SAMD3: variants seen among roughly 807,000 people sequenced by gnomAD.
SAMD3 encodes sterile alpha motif domain containing 3, also known as sterile alpha motif domain-containing protein 3.
SAMD3 carries 63 observed loss-of-function variants against 58.5 expected under a neutral mutation model. That is an observed-to-expected ratio of 1.08 (90% CI 0.88 to 1.33). The LOEUF (loss-of-function observed/expected upper bound fraction) is 1.33, where lower values mean the gene tolerates loss of function less well. Ranked by LOEUF, SAMD3 falls within the 40% of genes most tolerant of loss-of-function variation. The pLI, the probability that SAMD3 is intolerant of heterozygous loss-of-function variation, is 0.00. For synonymous variants in SAMD3, 220 were observed against 210.3 expected (o/e 1.05, Z -0.40); for missense variants, 604 against 608.4 (o/e 0.99, Z 0.08).
intron 9 of SAMD3, 89 bp downstream of exon 9, chr6:130,154,736 T>A: frequency 9.1e-6 from 2 of 220,680 alleles, no homozygotes; most frequent in Non-Finnish European, 8.1e-6. Context: ...TATATATATA[T>A]ATATATGTAT....
chr6:130,288,641 G>T (rs960949039), intron 2 of SAMD3, among the ~76,000 whole-genome samples: 1 of 152,210 alleles, frequency 6.6e-6, no homozygotes, highest in Non-Finnish European at 1.5e-5. Context: ...AATGTGGATG[G>T]AAACTAATGT....
intron 2 of SAMD3, among the ~76,000 whole-genome samples, chr6:130,311,523 A>C (rs1207103026): frequency 6.6e-6 from 1 of 152,180 alleles, no homozygotes; most frequent in African/African-American, 2.4e-5. Context: ...AAACTGACTG[A>C]GACTAAGAGT....
intron 1 of SAMD3, among the ~76,000 whole-genome samples, chr6:130,217,295 A>G (rs1378766991): frequency 2.0e-5 from 3 of 152,216 alleles, no homozygotes; most frequent in Non-Finnish European, 4.4e-5. Flanking sequence ...GGCATAAACT[A>G]TATATCAAAT....
At chr6:130,225,010 A>G (rs558595950), upstream of SAMD3, among the ~76,000 whole-genome samples, 3 of 152,158 alleles carry the variant, frequency 2.0e-5, no homozygotes, top group East Asian at 5.8e-4. Context: ...GTGTGTCTGA[A>G]TTTGTGTGTA....
At chr6:130,323,735 G>A (rs1404408057) in intron 1 of SAMD3, among the ~76,000 whole-genome samples, 1 of 144,812 alleles carries the variant, frequency 6.9e-6, no homozygotes, top group Non-Finnish European at 1.5e-5. Flanking sequence ...CCCGGGAGGC[G>A]GAGGTTGCAG....
intron 2 of SAMD3, among the ~76,000 whole-genome samples, chr6:130,228,492 G>A (rs1796448072): frequency 1.3e-5 from 2 of 152,058 alleles, no homozygotes; most frequent in Admixed American, 6.6e-5. Flanking sequence ...TAATCTCCAG[G>A]GGAGCTTAAA....
At chr6:130,147,846 C>T (rs1051063531) in intron 9 of SAMD3, among the ~76,000 whole-genome samples, 5 of 152,136 alleles carry the variant, frequency 3.3e-5, no homozygotes, top group African/African-American at 1.2e-4. Context: ...AAAGTGGAGG[C>T]CAGTTACTTT....
chr6:130,170,968 C>T (rs1791195422), intron 8 of SAMD3, among the ~76,000 whole-genome samples: 1 of 152,224 alleles, frequency 6.6e-6, no homozygotes, highest in Admixed American at 6.5e-5. Context: ...GCCAGAACTT[C>T]CAATACTATC....
intron 2 of SAMD3, among the ~76,000 whole-genome samples, chr6:130,300,300 A>C (rs1223203249): frequency 6.6e-6 from 1 of 152,208 alleles, no homozygotes; most frequent in African/African-American, 2.4e-5. Context: ...AGGATGTTTC[A>C]ACATATGCAA....
chr6:130,218,314 T>G (rs563924543), intron 1 of SAMD3, among the ~76,000 whole-genome samples: 1 of 152,276 alleles, frequency 6.6e-6, no homozygotes, highest in South Asian at 2.1e-4. Context: ...CTGCAAACCG[T>G]GTGAACTTCC....
intron 2 of SAMD3, among the ~76,000 whole-genome samples, chr6:130,293,387 C>T (rs544407295): frequency 4.6e-4 from 70 of 152,280 alleles, no homozygotes; most frequent in African/African-American, 1.7e-3. Context: ...TGTATCACAA[C>T]ATTCTGGTCC....
chr6:130,240,105 G>A (rs183368456), intron 2 of SAMD3, among the ~76,000 whole-genome samples: 152 of 152,326 alleles, frequency 1.0e-3, no homozygotes, highest in African/African-American at 3.2e-3. Flanking sequence ...TCAGCACAGC[G>A]CCTGGTATTA....
At chr6:130,325,167 C>A (rs752849302) in intron 1 of SAMD3, among the ~76,000 whole-genome samples, 3 of 152,060 alleles carry the variant, frequency 2.0e-5, no homozygotes, top group Admixed American at 1.3e-4. Context: ...AGTCAGGGTT[C>A]TCCAGAGAAA....
In SAMD3 at chr6:130,184,553, A is replaced by T; in HGVS notation, c.454T>A (p.Phe152Ile). ...AACATGCATTTGACATCATAGGGAA[A>T]CTCTGGTAAAACATAGGACTTCGTC... ...QWTKSYVLPE[F>I]PYDVKCMLAE... is the part of the protein sequence containing the mutation. Residue 152 changes from phenylalanine (F) to isoleucine (I), a missense_variant, in exon 6 of 12, where the codon TTT (phenylalanine) becomes ATT (isoleucine). Transcript: ENST00000439090. The T allele has an allele frequency of 1.2e-6, 2 of 1,613,906 alleles. No homozygotes were observed. The highest frequency in any genetic ancestry group is 1.7e-6 in the Non-Finnish European group (2 of 1,179,920).
intron 9 of SAMD3, among the ~76,000 whole-genome samples, chr6:130,153,717 C>G (rs1162752262): frequency 1.4e-5 from 2 of 145,564 alleles, no homozygotes; most frequent in African/African-American, 5.0e-5. Flanking sequence ...ACTGTGTCAC[C>G]AAGCTGCAGT....
chr6:130,205,149 C>T (rs1794972249), intron 5 of SAMD3, among the ~76,000 whole-genome samples: 1 of 83,590 alleles, frequency 1.2e-5, no homozygotes, highest in African/African-American at 5.4e-5. Flanking sequence ...TGGAGTTTGG[C>T]TCTGTAAAAA....
rs555708999 is a variant in SAMD3, at chr6:130,236,202, A to C, written c.-187-13389T>G. Among the ~76,000 whole-genome samples the C allele has an allele frequency of 7.2e-5, 11 of 152,304 alleles. No homozygotes were observed. In the East Asian group the frequency reaches 1.9e-3, roughly 27 times the overall value. On this transcript the variant is annotated intron_variant, in intron 2 of 13. Coordinates refer to the SAMD3 transcript ENST00000368134. ...ACACTTCAAACTATTTAATTTTAAA[A>C]GTAGTTTTGTGGAAGTTTTGATTAA...
chr6:130,365,575 A>C, upstream of SAMD3: 1 of 985,244 alleles, frequency 1.0e-6, no homozygotes, highest in South Asian at 4.7e-5. Context: ...AGTCGGCTGG[A>C]GCTCCCCAGC....
intron 9 of SAMD3, among the ~76,000 whole-genome samples, chr6:130,151,087 C>A (rs1260899618): frequency 6.6e-6 from 1 of 152,130 alleles, no homozygotes; most frequent in East Asian, 1.9e-4. Flanking sequence ...GTGTAGACTT[C>A]GGCCCAGCCC....
Sources: allele counts gnomAD v4.1 joint callset (sites outside exome capture counted in the v4.1 genomes callset), GRCh38; gene constraint gnomAD v4.1.1; transcripts MANE v1.5; gene names NCBI Gene and HGNC (gene_info 2026-07-23, HGNC 2026-07-21).